Variants in CCDC12 observed in about 807,000 individuals in gnomAD.
CCDC12 encodes coiled-coil domain-containing protein 12.
In CCDC12, 28 loss-of-function variants were observed where a neutral mutation model predicts 25.7. The observed-to-expected ratio is 1.09, with a 90% confidence interval of 0.81 to 1.50. The LOEUF is 1.50. CCDC12 is among the 40% of genes most tolerant of loss of function. The probability of loss-of-function intolerance (pLI) is 0.00; values close to 1 mark genes in which losing one functional copy is unlikely to be tolerated. For synonymous variants in CCDC12, 75 were observed against 87.7 expected, an observed-to-expected ratio of 0.86 and a Z score of 0.81; for missense variants, 198 against 210.0, an observed-to-expected ratio of 0.94 and a Z score of 0.35.
upstream of CCDC12, chr3:46,979,750 T>TCCGCC (rs1417551885): frequency 3.1e-6 from 1 of 326,730 alleles, no homozygotes; most frequent in Admixed American, 5.0e-5. Flanking sequence ...ACCGCGCCGC[T>TCCGCC]CCGCCCCGGA....
At chr3:46,930,891 C>CGTGGCCCTGT (rs2033182085) in intron 2 of CCDC12, among the ~76,000 whole-genome samples, 1 of 152,142 alleles carries the variant, frequency 6.6e-6, no homozygotes, top group Non-Finnish European at 1.5e-5. Flanking sequence ...ACTCCATGCA[C>CGTGGCCCTGT]GTGGCCCTGT....
chr3:46,924,637 G>A (rs539162277), intron 3 of CCDC12, among the ~76,000 whole-genome samples: 1 of 152,240 alleles, frequency 6.6e-6, no homozygotes, highest in South Asian at 2.1e-4. Context: ...TTGAGGTCAG[G>A]AGGAGTTCAA....
intron 2 of CCDC12, among the ~76,000 whole-genome samples, chr3:46,926,233 G>A (rs1357073925): frequency 6.6e-6 from 1 of 152,188 alleles, no homozygotes; most frequent in Non-Finnish European, 1.5e-5. Flanking sequence ...AGGAGGTGGC[G>A]CCTGGGCCTG....
chr3:46,956,091 CAGCCCTA>C (rs1406027770), intron 1 of CCDC12, among the ~76,000 whole-genome samples: 1 of 152,226 alleles, frequency 6.6e-6, no homozygotes, highest in Non-Finnish European at 1.5e-5. Context: ...CTCAAATAAA[CAGCCCTA>C]AGGCTTAGGT....
intron 1 of CCDC12, among the ~76,000 whole-genome samples, chr3:46,948,353 T>TGGGAGAACA (rs1478420577): frequency 6.6e-6 from 1 of 152,112 alleles, no homozygotes; most frequent in Non-Finnish European, 1.5e-5. Flanking sequence ...AGCGGGAGGC[T>TGGGAGAACA]GGGAGAACAG....
At chr3:46,969,203 T>C (rs2034726498) in intron 1 of CCDC12, among the ~76,000 whole-genome samples, 1 of 152,084 alleles carries the variant, frequency 6.6e-6, no homozygotes, top group African/African-American at 2.4e-5. Flanking sequence ...TTCCCTCTTT[T>C]ACCCTCCCCC....
intron 1 of CCDC12, among the ~76,000 whole-genome samples, chr3:46,956,942 C>T (rs1338611732): frequency 2.0e-5 from 3 of 152,132 alleles, no homozygotes; most frequent in Admixed American, 1.3e-4. Flanking sequence ...CGGGTCTCGA[C>T]CTCAAGTAGA....
At chr3:46,960,706 A>C (rs2034437508) in intron 1 of CCDC12, among the ~76,000 whole-genome samples, 1 of 152,220 alleles carries the variant, frequency 6.6e-6, no homozygotes, top group Non-Finnish European at 1.5e-5. Context: ...CCCAGAATTT[A>C]AGGGAAAGCT....
chr3:46,929,752 C>A (rs939280544), intron 2 of CCDC12, among the ~76,000 whole-genome samples: 1 of 151,258 alleles, frequency 6.6e-6, no homozygotes, highest in African/African-American at 2.4e-5. Flanking sequence ...CTTGGCTGGG[C>A]ATGGTGGCTC....
chr3:46,937,818 C>G (rs2033513668), intron 2 of CCDC12, among the ~76,000 whole-genome samples: 1 of 152,224 alleles, frequency 6.6e-6, no homozygotes, highest in Admixed American at 6.5e-5. Flanking sequence ...CTGTGTTAGG[C>G]AACCAATGTT....
At chr3:46,949,968 G>C (rs765177425) in intron 1 of CCDC12, among the ~76,000 whole-genome samples, 1 of 149,342 alleles carries the variant, frequency 6.7e-6, no homozygotes, top group African/African-American at 2.5e-5. Context: ...AGTGGTTGCA[G>C]TGAGCCAAGA....
intron 1 of CCDC12, among the ~76,000 whole-genome samples, chr3:46,963,457 C>CTTT (rs78552268): frequency 6.9e-6 from 1 of 145,930 alleles, no homozygotes; most frequent in South Asian, 2.2e-4. Flanking sequence ...CTCTCCCTCT[C>CTTT]CCACGGTTTC....
intron 1 of CCDC12, among the ~76,000 whole-genome samples, chr3:46,956,749 A>T (rs1385838295): frequency 1.3e-5 from 1 of 77,940 alleles, no homozygotes; most frequent in Non-Finnish European, 2.8e-5. Flanking sequence ...TGAGCCCAGG[A>T]GGTTGAGGCT....
At chr3:46,922,425 G>C in intron 5 of CCDC12, 113 bp from the exon 6 acceptor site, 7 of 1,187,284 alleles carry the variant, frequency 5.9e-6, no homozygotes, top group Non-Finnish European at 8.7e-6. Context: ...GGTTGCTGGA[G>C]GGGGCTGCCC....
chr3:46,922,344 G>A lies in CCDC12; in HGVS notation c.342-32C>T, dbSNP rs147047485. The A allele has an allele frequency of 8.0e-3, 12,978 of 1,612,948 alleles. 125 individuals carry two copies. Among genetic ancestry groups the A allele is most frequent in the Non-Finnish European group, 8.0e-3 (9,374 of 1,178,916 alleles). On this transcript the variant is annotated intron_variant, in intron 5 of 6. Transcript: ENST00000683445. Reference sequence around the variant, plus strand: ...CAGGGAGGCAGGGAGAAGCAGGAAGGTGAAGGCTGGCCTGATGTGGCATTG... The same window carrying A: ...CAGGGAGGCAGGGAGAAGCAGGAAGATGAAGGCTGGCCTGATGTGGCATTG...
chr3:46,932,244 C>T (rs1033281322), intron 2 of CCDC12, among the ~76,000 whole-genome samples: 1 of 152,212 alleles, frequency 6.6e-6, no homozygotes, highest in African/African-American at 2.4e-5. Context: ...ACGATCCTGG[C>T]AGCATAATTC....
intron 1 of CCDC12, among the ~76,000 whole-genome samples, chr3:46,945,967 T>C (rs578187022): frequency 6.6e-6 from 1 of 152,330 alleles, no homozygotes; most frequent in East Asian, 1.9e-4. Flanking sequence ...TGCTCCTCAG[T>C]CACCTCTCTC....
chr3:46,957,988 C>CACACACACACAT (rs2034349728), intron 1 of CCDC12, among the ~76,000 whole-genome samples: 1 of 146,478 alleles, frequency 6.8e-6, no homozygotes, highest in African/African-American at 2.5e-5. Flanking sequence ...CACACACACA[C>CACACACACACAT]ACACACACAT....
In CCDC12 at chr3:46,922,079, T is replaced by C. The variant is rs2032703148; in HGVS notation, c.479A>G (p.Gln160Arg). 2 of 1,614,240 alleles carry C rather than the reference T, an allele frequency of 1.2e-6. No individual in the cohort carries two copies. The highest frequency in any genetic ancestry group is 1.7e-6 in the Non-Finnish European group (2 of 1,180,046). The part of the protein sequence containing the change: ...LASAVDAATE[Q>R]KTCDSD ...GCCTCAGTCGGAGTCACAGGTCTTTTGTTCGGTGGCAGCATCCACTGCAGA... is the reference window on the plus strand; with the variant it reads ...GCCTCAGTCGGAGTCACAGGTCTTTCGTTCGGTGGCAGCATCCACTGCAGA... The change falls in exon 7 of 7, where the codon CAA becomes CGA. Residue 160 changes from glutamine (Q) to arginine (R), a missense_variant. Transcript: ENST00000683445.
Sources: allele counts gnomAD v4.1 joint callset (sites outside exome capture counted in the v4.1 genomes callset), GRCh38; gene constraint gnomAD v4.1.1; transcripts MANE v1.5; gene names NCBI Gene and HGNC (gene_info 2026-07-23, HGNC 2026-07-21).